The following TWIST2 variants were observed in gnomAD, a reference collection of about 807,000 sequenced individuals.
The protein encoded by TWIST2 is twist family bHLH transcription factor 2, also known as twist-related protein 2.
In TWIST2, 1 loss-of-function variant was observed where a neutral mutation model predicts 11.6. That is an observed-to-expected ratio of 0.09 (90% CI 0.03 to 0.41). The LOEUF is 0.41. TWIST2 is among the 10% of genes least tolerant of loss of function. The probability of loss-of-function intolerance (pLI) is 0.98; values close to 1 mark genes in which losing one functional copy is unlikely to be tolerated. For missense variants in TWIST2, 168 were observed against 226.4 expected (o/e 0.74, Z 1.66); for synonymous variants, 87 against 96.6 (o/e 0.90, Z 0.58).
In TWIST2 at chr2:238,855,017, G is replaced by C. The variant is rs142386525; in HGVS notation, c.*35+6284G>C. Among the ~76,000 whole-genome samples, 1,136 of 152,344 alleles carry C rather than the reference G, an allele frequency of 7.5e-3. 18 individuals carry two copies. Among genetic ancestry groups the C allele is most frequent in the African/African-American group, 0.026 (1,087 of 41,578 alleles). On this transcript the variant is annotated intron_variant, in intron 1 of 1. Transcript: ENST00000612363. Reference sequence around the variant, plus strand: ...GCTCGGAGTGGCAAGCTGGCTGCCTGCGTGGACTCCCTGGACCTGCGACTT... The same window carrying C: ...GCTCGGAGTGGCAAGCTGGCTGCCTCCGTGGACTCCCTGGACCTGCGACTT...
At chr2:238,904,319 T>TGTGTGTGTGATATGGGATGTGTGATGTA (rs1693315879) in intron 1 of TWIST2, among the ~76,000 whole-genome samples, 2 of 148,434 alleles carry the variant, frequency 1.3e-5, no homozygotes, top group South Asian at 4.3e-4. Context: ...ATGTGAGGTG[T>TGTGTGTGTGATATGGGATGTGTGATGTA]GTGTGTGTGA....
intron 1 of TWIST2, among the ~76,000 whole-genome samples, chr2:238,890,494 G>T (rs1443284725): frequency 6.6e-6 from 1 of 152,190 alleles, no homozygotes; most frequent in Non-Finnish European, 1.5e-5. Context: ...CCCCACTTAG[G>T]GTTTTTGTTC....
At chr2:238,904,987 AAG>A (rs1335213158) in intron 1 of TWIST2, among the ~76,000 whole-genome samples, 3 of 151,116 alleles carry the variant, frequency 2.0e-5, no homozygotes, top group African/African-American at 4.9e-5. Context: ...GAAAGAAAAA[AAG>A]AAGAAAGAAA....
intron 1 of TWIST2, among the ~76,000 whole-genome samples, chr2:238,881,843 G>T (rs1214060101): frequency 6.6e-6 from 1 of 152,186 alleles, no homozygotes. Flanking sequence ...CACTGGACAT[G>T]ACGAGGGCTT....
Position 238,901,254 on chromosome 2 carries a change from G to C in TWIST2, c.*36-8588G>C, listed in dbSNP as rs1693265860. 1.2e-4 allele frequency among the ~76,000 whole-genome samples: 19 copies of C among 152,292 alleles called. No individual in the cohort carries two copies. The South Asian group carries it at 3.7e-3, about 30-fold the overall frequency. ...GGCCTCCCAAAGTGCTGGGATTCCA[G>C]GTGTGAGCCACCGTGCCGGCCTCCT... is the stretch of plus-strand genomic sequence containing the variant. On this transcript the variant is annotated intron_variant, in intron 1 of 1. Coordinates refer to ENST00000612363, the MANE Select transcript of TWIST2 (RefSeq NM_001271893.4).
intron 1 of TWIST2, among the ~76,000 whole-genome samples, chr2:238,902,328 T>TG (rs1427266095): frequency 6.7e-6 from 1 of 148,362 alleles, no homozygotes; most frequent in Non-Finnish European, 1.5e-5. Flanking sequence ...ATGTGTGGTG[T>TG]GGGGGTGTGT....
At chr2:238,887,996 A>T (rs915521154) in intron 1 of TWIST2, among the ~76,000 whole-genome samples, 11 of 152,240 alleles carry the variant, frequency 7.2e-5, no homozygotes, top group Admixed American at 2.6e-4. Context: ...ATGCAGGCAG[A>T]CTTTGCATGT....
intron 1 of TWIST2, among the ~76,000 whole-genome samples, chr2:238,902,638 GGTGTGTGATGGTGT>G (rs1303663444): frequency 6.9e-6 from 1 of 144,212 alleles, no homozygotes; most frequent in Non-Finnish European, 1.5e-5. Flanking sequence ...TGTGATATGA[GGTGTGTGATGGTGT>G]GTGTGTGATG....
At chr2:238,870,838 C>CGA (rs1457056461) in intron 1 of TWIST2, among the ~76,000 whole-genome samples, 1 of 52,540 alleles carries the variant, frequency 1.9e-5, no homozygotes, top group Non-Finnish European at 3.6e-5. Flanking sequence ...CACCACACCC[C>CGA]CACACGCCAC....
At chr2:238,853,693 C>G (rs985989214) in intron 1 of TWIST2, among the ~76,000 whole-genome samples, 1 of 152,098 alleles carries the variant, frequency 6.6e-6, no homozygotes, top group Non-Finnish European at 1.5e-5. Context: ...TTCTCTTCAG[C>G]GATTATTAAT....
intron 1 of TWIST2, among the ~76,000 whole-genome samples, chr2:238,905,217 C>A (rs927045443): frequency 6.6e-6 from 1 of 152,240 alleles, no homozygotes; most frequent in South Asian, 2.1e-4. Context: ...CATTAGGGCC[C>A]CGGTCTGGTG....
rs886747189 is a variant in TWIST2, at chr2:238,863,030, CCTT to C, written c.*35+14301_*35+14303del. Among the ~76,000 whole-genome samples the C allele has an allele frequency of 7.7e-6, 1 of 129,586 alleles. No homozygotes were observed. Among genetic ancestry groups the C allele is most frequent in the Non-Finnish European group, 1.7e-5 (1 of 57,434 alleles). The allele number at this position is 129,586 out of a possible 152,430, so 85.0% of individuals were successfully genotyped here. On this transcript the variant is annotated intron_variant, in intron 1 of 1. Transcript: ENST00000612363. This position sits in a 1 kb window ranked among gnomAD's most constrained non-coding sequence, Gnocchi z 4.7. ...AAAAGTTGATGAAAGAGCTTCCTTT[CCTT>C]CTTATGTTTTTTTTTTTTTAATTTC... is the stretch of plus-strand genomic sequence containing the variant.
At chr2:238,879,682 C>G (rs1235673435) in intron 1 of TWIST2, among the ~76,000 whole-genome samples, 2 of 152,250 alleles carry the variant, frequency 1.3e-5, no homozygotes, top group African/African-American at 4.8e-5. Context: ...CCTGCACCAG[C>G]TGGGTCAAGC....
At position 238,874,871 on chromosome 2, in the gene TWIST2, C is replaced by T. The variant is rs532564648; in HGVS notation, c.*35+26138C>T. ...TGTCCTTCAGGTGCAAGTGAGTTCT[C>T]GGGTGAGGTTCTATGTTTTGGTGCC... On this transcript the variant is annotated intron_variant, in intron 1 of 1. Transcript: ENST00000612363. 3.6e-4 allele frequency among the ~76,000 whole-genome samples: 55 copies of T among 152,226 alleles called. 1 individual carries two copies. The highest frequency in any genetic ancestry group is 2.9e-3 in the South Asian group (14 of 4,812).
chr2:238,848,924 G>A (rs1179547420), intron 1 of TWIST2, among the ~76,000 whole-genome samples, 191 bp downstream of exon 1: 1 of 152,160 alleles, frequency 6.6e-6, no homozygotes, highest in Non-Finnish European at 1.5e-5. Flanking sequence ...ACACCCCTGA[G>A]TGCAGACTTC....
At chr2:238,861,822 T>C (rs1016741655) in intron 1 of TWIST2, among the ~76,000 whole-genome samples, 19 of 152,310 alleles carry the variant, frequency 1.2e-4, no homozygotes, top group African/African-American at 4.6e-4. Flanking sequence ...ACATTTTAAA[T>C]TGCACACCAT....
At chr2:238,902,107 C>T (rs1489170698) in intron 1 of TWIST2, among the ~76,000 whole-genome samples, 1 of 152,182 alleles carries the variant, frequency 6.6e-6, no homozygotes, top group Admixed American at 6.5e-5. Flanking sequence ...TGGCCAGATT[C>T]TGACCCCTGA....
intron 1 of TWIST2, among the ~76,000 whole-genome samples, chr2:238,896,460 G>A (rs1693208789): frequency 6.6e-6 from 1 of 152,206 alleles, no homozygotes; most frequent in African/African-American, 2.4e-5. Context: ...TTTCAGAGAT[G>A]GAGGAACCTG....
At chr2:238,901,383 G>T (rs1345439077) in intron 1 of TWIST2, among the ~76,000 whole-genome samples, 1 of 152,122 alleles carries the variant, frequency 6.6e-6, no homozygotes, top group African/African-American at 2.4e-5. Flanking sequence ...TATTTGTTTT[G>T]TTGTTTCCAG....
Sources: allele counts gnomAD v4.1 joint callset (sites outside exome capture counted in the v4.1 genomes callset), GRCh38; gene constraint gnomAD v4.1.1; non-coding constraint Gnocchi (gnomAD v3.1); transcripts MANE v1.5; gene names NCBI Gene and HGNC (gene_info 2026-07-23, HGNC 2026-07-21).